Variants in SHISA6 observed in about 807,000 individuals in gnomAD.
The protein encoded by SHISA6 is shisa family member 6.
In SHISA6, 22 loss-of-function variants were observed where a neutral mutation model predicts 47.9. The ratio of observed to expected loss-of-function variants is 0.46; its 90% CI spans 0.33 to 0.66. SHISA6 has a LOEUF of 0.66. Among genes scored for constraint, SHISA6 ranks in the 30% least tolerant of loss-of-function variants. SHISA6 has a pLI of 0.02. For synonymous variants in SHISA6, 388 were observed against 337.8 expected, an observed-to-expected ratio of 1.15 and a Z score of -1.63; for missense variants, 680 against 764.6, an observed-to-expected ratio of 0.89 and a Z score of 1.30.
chr17:11,387,128 C>T (rs1184812952), intron 3 of SHISA6, among the ~76,000 whole-genome samples: 1 of 152,158 alleles, frequency 6.6e-6, no homozygotes, highest in Non-Finnish European at 1.5e-5. Flanking sequence ...GAGATGGAGA[C>T]AAGGCCAGAA....
At chr17:11,476,380 T>G (rs1206481336) in intron 3 of SHISA6, among the ~76,000 whole-genome samples, 1 of 152,036 alleles carries the variant, frequency 6.6e-6, no homozygotes, top group Admixed American at 6.6e-5. Flanking sequence ...GAAACCTAGA[T>G]TACTGATTTT....
intron 3 of SHISA6, among the ~76,000 whole-genome samples, chr17:11,436,109 G>A (rs1914931646): frequency 6.6e-6 from 1 of 152,178 alleles, no homozygotes; most frequent in Non-Finnish European, 1.5e-5. Context: ...TGCCTGGGGA[G>A]CTCTTCCAGG....
intron 2 of SHISA6, among the ~76,000 whole-genome samples, chr17:11,336,309 T>C (rs1337835716): frequency 6.6e-6 from 1 of 152,122 alleles, no homozygotes; most frequent in African/African-American, 2.4e-5. Context: ...TAGACACTTT[T>C]GTCAGAATAG....
Position 11,528,473 on chromosome 17 carries a change from A to G in SHISA6, c.896-23423A>G, listed in dbSNP as rs922522430. ...CACGCATGTATAAAAATACAGATGGACAGTTGCACTGCTAGATAGTTAGAT... is the reference window on the plus strand; with the variant it reads ...CACGCATGTATAAAAATACAGATGGGCAGTTGCACTGCTAGATAGTTAGAT... On this transcript the variant is annotated intron_variant, in intron 3 of 5. Coordinates refer to ENST00000441885, the MANE Select transcript of SHISA6 (RefSeq NM_207386.4). Among the ~76,000 whole-genome samples the G allele has an allele frequency of 2.6e-5, 4 of 152,350 alleles. No homozygotes were observed. The South Asian group carries it at 6.2e-4, about 24-fold the overall frequency.
In SHISA6 at chr17:11,263,495, C is replaced by T. The variant is rs1326230757; in HGVS notation, c.768C>T (p.Tyr256=). Residue 256 remains tyrosine (Y), a synonymous_variant, in exon 2 of 6, where the codon TAC becomes TAT. Transcript: ENST00000441885. ...TPVRSSSKNH[Y]TPVRTAKQTP... ...TCAGATCGTCCTCCAAAAACCACTA[C>T]ACTCCTGTGCGTACGGCCAAGCAGA... The T allele has an allele frequency of 1.3e-6, 2 of 1,551,752 alleles. No individual in the cohort carries two copies. The highest frequency in any genetic ancestry group is 1.2e-5 in the South Asian group (1 of 84,058).
intron 3 of SHISA6, among the ~76,000 whole-genome samples, chr17:11,482,123 C>T (rs1168656751): frequency 2.0e-5 from 3 of 151,866 alleles, no homozygotes; most frequent in Admixed American, 2.0e-4. Context: ...AAAATAGGAT[C>T]CAGTAGAAGA....
At chr17:11,290,736 G>A (rs1341534935) in intron 2 of SHISA6, 2 of 152,092 alleles carry the variant, frequency 1.3e-5, no homozygotes, top group East Asian at 3.9e-4. Context: ...CTGTGATTGT[G>A]TTTTGTATTT....
At chr17:11,415,778 T>C (rs1055220930) in intron 3 of SHISA6, among the ~76,000 whole-genome samples, 1 of 152,200 alleles carries the variant, frequency 6.6e-6, no homozygotes, top group Non-Finnish European at 1.5e-5. Flanking sequence ...TGGTATTATC[T>C]AACAGGTTAG....
At chr17:11,320,430 C>T (rs1042492804) in intron 2 of SHISA6, among the ~76,000 whole-genome samples, 2 of 151,960 alleles carry the variant, frequency 1.3e-5, no homozygotes, top group African/African-American at 4.8e-5. Flanking sequence ...GAGCCTGAGG[C>T]AGGTGGATCA....
chr17:11,462,687 G>C (rs1010609757), intron 3 of SHISA6, among the ~76,000 whole-genome samples: 3 of 151,862 alleles, frequency 2.0e-5, no homozygotes, highest in Non-Finnish European at 4.4e-5. Context: ...GAGTGCAATG[G>C]CACGATCTCG....
intron 3 of SHISA6, among the ~76,000 whole-genome samples, chr17:11,461,082 T>C (rs879430728): frequency 2.6e-5 from 4 of 152,102 alleles, no homozygotes; most frequent in Non-Finnish European, 5.9e-5. Flanking sequence ...AATAAAAGTA[T>C]TTATAATAAA....
chr17:11,241,394 C>G lies in SHISA6; in HGVS notation c.-29C>G, dbSNP rs1449997647. On this transcript the variant is annotated 5_prime_UTR_variant, in exon 1 of 6. Coordinates refer to ENST00000441885, the MANE Select transcript of SHISA6 (RefSeq NM_207386.4). This position sits in a 1 kb window ranked among gnomAD's most constrained non-coding sequence, Gnocchi z 5.5. ...CGGGGGAGCGGCCTGCCGCGGAAGC[C>G]TCCCCGCGCCCTCCCGCCCGGCCCC... 1 of 1,080,948 alleles carries G rather than the reference C, an allele frequency of 9.3e-7. No individual in the cohort carries two copies. Among genetic ancestry groups the G allele is most frequent in the East Asian group, 7.9e-5 (1 of 12,590 alleles). The allele number at this position is 1,080,948 out of a possible 1,614,324, so 67.0% of individuals were successfully genotyped here.
chr17:11,329,873 G>T (rs1243690686), intron 2 of SHISA6, among the ~76,000 whole-genome samples: 2 of 151,948 alleles, frequency 1.3e-5, no homozygotes, highest in Non-Finnish European at 2.9e-5. Context: ...CTGGATCAAG[G>T]TGCTCCAGTG....
At chr17:11,541,469 A>G (rs912517571) in intron 3 of SHISA6, among the ~76,000 whole-genome samples, 6 of 152,334 alleles carry the variant, frequency 3.9e-5, no homozygotes, top group Non-Finnish European at 5.9e-5. Flanking sequence ...AAAGAGTCCC[A>G]TGTGGAATCT....
chr17:11,328,743 T>G (rs944691333), intron 2 of SHISA6, among the ~76,000 whole-genome samples: 1 of 151,670 alleles, frequency 6.6e-6, no homozygotes, highest in Non-Finnish European at 1.5e-5. Context: ...AAGTATGAAG[T>G]AGGTCAGGCA....
In SHISA6 at chr17:11,426,656, A is replaced by G. The variant is rs370340823; in HGVS notation, c.895+47147A>G. 4.6e-5 allele frequency among the ~76,000 whole-genome samples: 7 copies of G among 152,360 alleles called. 1 individual carries two copies. The highest frequency in any genetic ancestry group is 3.9e-4 in the East Asian group (2 of 5,192). ...TATTTATTTTTGAACCACTCTCAAA[A>G]CTTAATACGTCTAGATAAACATCTT... On this transcript the variant is annotated intron_variant, in intron 3 of 5. Coordinates refer to ENST00000441885, the MANE Select transcript of SHISA6 (RefSeq NM_207386.4).
At chr17:11,420,472 T>G (rs1030229076) in intron 3 of SHISA6, among the ~76,000 whole-genome samples, 2 of 152,114 alleles carry the variant, frequency 1.3e-5, no homozygotes, top group African/African-American at 4.8e-5. Flanking sequence ...GATCTTCCAG[T>G]GGTAGAGTTT....
chr17:11,413,177 T>C (rs1914182642), intron 3 of SHISA6, among the ~76,000 whole-genome samples: 1 of 152,134 alleles, frequency 6.6e-6, no homozygotes, highest in South Asian at 2.1e-4. Context: ...CAGGACACTA[T>C]CTCCTTCCGG....
chr17:11,428,605 C>G (rs1914663446), intron 3 of SHISA6, among the ~76,000 whole-genome samples: 1 of 152,118 alleles, frequency 6.6e-6, no homozygotes, highest in Non-Finnish European at 1.5e-5. Flanking sequence ...CAAATTATTT[C>G]AAAACTTGGT....
Sources: allele counts gnomAD v4.1 joint callset (sites outside exome capture counted in the v4.1 genomes callset), GRCh38; gene constraint gnomAD v4.1.1; non-coding constraint Gnocchi (gnomAD v3.1); transcripts MANE v1.5; gene names NCBI Gene and HGNC (gene_info 2026-07-23, HGNC 2026-07-21).